The following HIVEP1 variants were observed in gnomAD, a reference collection of about 807,000 sequenced individuals.
HIVEP1 encodes HIVEP zinc finger 1.
Under a neutral mutation model 180.0 loss-of-function variants are expected in HIVEP1, and 36 were observed. That is an observed-to-expected ratio of 0.20 (90% confidence interval 0.15 to 0.26). HIVEP1 has a LOEUF of 0.26. Among genes scored for constraint, HIVEP1 ranks in the 10% least tolerant of loss-of-function variants. The pLI is 1.00. For synonymous variants in HIVEP1, 1,239 were observed against 1,239.0 expected (o/e 1.00, Z 0.00); for missense variants, 3,143 against 3,268.7 (o/e 0.96, Z 0.94).
intron 2 of HIVEP1, among the ~76,000 whole-genome samples, chr6:12,083,397 C>T (rs960070546): frequency 5.3e-5 from 8 of 152,098 alleles, no homozygotes; most frequent in African/African-American, 1.9e-4. Context: ...GGAGTAATAT[C>T]GCAATAGCAG....
intron 2 of HIVEP1, among the ~76,000 whole-genome samples, chr6:12,043,146 G>A (rs1769886067): frequency 6.6e-6 from 1 of 151,948 alleles, no homozygotes; most frequent in African/African-American, 2.4e-5. Context: ...ATTCCAAAAG[G>A]GTAAGTTTGC....
At chr6:12,094,112 T>G (rs1452802988) in intron 3 of HIVEP1, among the ~76,000 whole-genome samples, 1 of 151,992 alleles carries the variant, frequency 6.6e-6, no homozygotes, top group Admixed American at 6.6e-5. Flanking sequence ...AATTTGGTGT[T>G]TTCCTCATTT....
At chr6:12,167,034 A>C (rs1760724174), downstream of HIVEP1, among the ~76,000 whole-genome samples, 1 of 150,444 alleles carries the variant, frequency 6.6e-6, no homozygotes, top group Non-Finnish European at 1.5e-5. Context: ...TTCATTCCCT[A>C]AACTTTAAGC....
chr6:12,067,711 C>G (rs953037445), intron 2 of HIVEP1, among the ~76,000 whole-genome samples: 8 of 151,942 alleles, frequency 5.3e-5, no homozygotes, highest in African/African-American at 1.9e-4. Context: ...TCCTGCCTGT[C>G]CTCCCCAGAC....
chr6:12,008,624 ATCTG>A (rs908262848), upstream of HIVEP1: 2 of 151,676 alleles, frequency 1.3e-5, no homozygotes, highest in African/African-American at 4.8e-5. Flanking sequence ...AGTGCGGAAG[ATCTG>A]TCTATCTTCT....
intron 6 of HIVEP1, among the ~76,000 whole-genome samples, chr6:12,134,593 C>T (rs181343257): frequency 6.6e-6 from 1 of 152,362 alleles, no homozygotes; most frequent in South Asian, 2.1e-4. Context: ...TCAAATACTA[C>T]TTTGCCTCTG....
chr6:12,022,117 A>G (rs1768264494), intron 2 of HIVEP1, among the ~76,000 whole-genome samples: 2 of 152,206 alleles, frequency 1.3e-5, no homozygotes, highest in South Asian at 2.1e-4. Context: ...GCCTGAACAG[A>G]TAAACCAGGT....
downstream of HIVEP1, among the ~76,000 whole-genome samples, chr6:12,166,490 C>G (rs75853060): frequency 0.012 from 1,764 of 152,238 alleles, 31 homozygotes; most frequent in African/African-American, 0.04. Flanking sequence ...GTGCAAATAC[C>G]TTTACTATTG....
At chr6:12,023,562 GA>G (rs1768391185) in intron 2 of HIVEP1, among the ~76,000 whole-genome samples, 1 of 152,172 alleles carries the variant, frequency 6.6e-6, no homozygotes, top group Non-Finnish European at 1.5e-5. Context: ...TAATATGGGT[GA>G]AAAAGTTACT....
At chr6:12,010,756 C>G (rs1767233026), upstream of HIVEP1, among the ~76,000 whole-genome samples, 1 of 152,150 alleles carries the variant, frequency 6.6e-6, no homozygotes, top group East Asian at 1.9e-4. Context: ...ACCCTGAAAA[C>G]CTTCGTTACC....
intron 3 of HIVEP1, among the ~76,000 whole-genome samples, chr6:12,112,072 A>G (rs200439376): frequency 1.3e-5 from 2 of 152,196 alleles, no homozygotes; most frequent in East Asian, 3.8e-4. Flanking sequence ...AAGTTTTAAC[A>G]TTTCAGTATA....
intron 3 of HIVEP1, among the ~76,000 whole-genome samples, chr6:12,119,285 C>A (rs1775417733): frequency 2.0e-5 from 3 of 152,214 alleles, no homozygotes; most frequent in Admixed American, 1.3e-4. Flanking sequence ...ACAGTTGTCT[C>A]TTCGTGCTTC....
At chr6:12,081,232 T>C (rs1772765915) in intron 2 of HIVEP1, among the ~76,000 whole-genome samples, 1 of 152,182 alleles carries the variant, frequency 6.6e-6, no homozygotes, top group South Asian at 2.1e-4. Context: ...GCTGTGCAGA[T>C]TGGAGACACC....
rs1271082908 is a variant in HIVEP1, at chr6:12,121,214, G to C, written c.1419G>C (p.Leu473Phe). 2 of 1,614,132 alleles carry C rather than the reference G, an allele frequency of 1.2e-6. No homozygotes were observed. Among genetic ancestry groups the C allele is most frequent in the Middle Eastern group, 1.6e-4 (1 of 6,062 alleles). Reference protein sequence around the residue: ...GLVLQPDAGGLFLSHESPKAL... With the variant: ...GLVLQPDAGGFFLSHESPKAL... ...TCTTGCAACCAGATGCTGGTGGCTT[G>C]TTCTTGTCCCACGAGTCCCCCAAAG... is the stretch of plus-strand genomic sequence containing the variant. Residue 473 changes from leucine to phenylalanine, a missense_variant, in exon 4 of 9, where the codon TTG becomes TTC. Coordinates refer to ENST00000379388, the MANE Select transcript of HIVEP1 (RefSeq NM_002114.4). This position sits in a 1 kb window ranked among gnomAD's most constrained non-coding sequence, Gnocchi z 5.3.
intron 2 of HIVEP1, among the ~76,000 whole-genome samples, chr6:12,065,313 G>T (rs2113765402): frequency 6.6e-6 from 1 of 152,332 alleles, no homozygotes; most frequent in South Asian, 2.1e-4. Flanking sequence ...ATGCAGACAT[G>T]AAACAAGCAA....
intron 7 of HIVEP1, among the ~76,000 whole-genome samples, chr6:12,142,298 G>T (rs576716890): frequency 5.9e-5 from 9 of 152,268 alleles, no homozygotes; most frequent in African/African-American, 2.2e-4. Context: ...GGTAAGTAAT[G>T]AAATGAAGGC....
chr6:12,054,467 A>G (rs961908953), intron 2 of HIVEP1, among the ~76,000 whole-genome samples: 13 of 149,874 alleles, frequency 8.7e-5, no homozygotes, highest in African/African-American at 2.9e-4. Context: ...CTATATATAC[A>G]TGCACATTTA....
chr6:12,119,202 G>C (rs1775412817), intron 3 of HIVEP1, among the ~76,000 whole-genome samples: 1 of 152,244 alleles, frequency 6.6e-6, no homozygotes, highest in Admixed American at 6.5e-5. Context: ...AGGAGATGCT[G>C]GAGGAGGAGT....
the HIVEP1 span, among the ~76,000 whole-genome samples, chr6:12,193,083 G>A: frequency 6.6e-6 from 1 of 152,134 alleles, no homozygotes; most frequent in Non-Finnish European, 1.5e-5. Context: ...CTCCCAAAGT[G>A]TTGGGATTAT....
Sources: allele counts gnomAD v4.1 joint callset (sites outside exome capture counted in the v4.1 genomes callset), GRCh38; gene constraint gnomAD v4.1.1; non-coding constraint Gnocchi (gnomAD v3.1); transcripts MANE v1.5; gene names NCBI Gene and HGNC (gene_info 2026-07-23, HGNC 2026-07-21).